Variants in HHIPL2 observed in about 807,000 individuals in gnomAD.
HHIPL2 encodes the protein HHIP like 2.
A neutral mutation model predicts 61.0 loss-of-function variants in HHIPL2; 61 were observed. That is an observed-to-expected ratio of 1.00 (90% CI 0.81 to 1.24). HHIPL2 has a LOEUF of 1.24. Among genes scored for constraint, HHIPL2 ranks in the 50% most tolerant of loss-of-function variants. HHIPL2 has a pLI of 0.00. For missense variants in HHIPL2, 885 were observed against 910.2 expected, an observed-to-expected ratio of 0.97 and a Z score of 0.36; for synonymous variants, 343 against 357.4, an observed-to-expected ratio of 0.96 and a Z score of 0.45.
Position 222,542,152 on chromosome 1 carries a change from G to A in HHIPL2, c.978C>T (p.Val326=), listed in dbSNP as rs1009607821. The A allele has an allele frequency of 1.2e-6, 2 of 1,612,082 alleles. No individual in the cohort carries two copies. Among genetic ancestry groups the A allele is most frequent in the Middle Eastern group, 3.3e-4 (2 of 6,058 alleles). The change falls in exon 3 of 9, where the codon GTC becomes GTT. Residue 326 remains valine, a synonymous_variant. Coordinates refer to ENST00000343410, the MANE Select transcript of HHIPL2 (RefSeq NM_024746.4). ...PNKADLKSER[V]ILEIEEPASN... ...AGGCTGGTTCTTCAATCTCCAAGATGACCCTGGAAGAGAAAAAAGAAACCA... is the reference window on the plus strand; with the variant it reads ...AGGCTGGTTCTTCAATCTCCAAGATAACCCTGGAAGAGAAAAAAGAAACCA...
intron 1 of HHIPL2, among the ~76,000 whole-genome samples, chr1:222,547,442 G>T (rs1306506632): frequency 2.0e-5 from 3 of 152,158 alleles, no homozygotes; most frequent in Non-Finnish European, 2.9e-5. Context: ...GCAAATAATG[G>T]CTGCTCTGAG....
intron 1 of HHIPL2, among the ~76,000 whole-genome samples, chr1:222,546,134 G>A (rs911915222): frequency 3.3e-5 from 5 of 152,200 alleles, no homozygotes; most frequent in Admixed American, 6.5e-5. Flanking sequence ...TCTCTACATT[G>A]ATTGGGATGC....
At chr1:222,532,910 T>A (rs1458317744) in intron 5 of HHIPL2, among the ~76,000 whole-genome samples, 1 of 152,206 alleles carries the variant, frequency 6.6e-6, no homozygotes, top group Non-Finnish European at 1.5e-5. Flanking sequence ...GAAAGATGCT[T>A]CCTATCCCTC....
intron 3 of HHIPL2, among the ~76,000 whole-genome samples, chr1:222,540,758 G>A (rs554534080): frequency 2.2e-4 from 34 of 152,358 alleles, no homozygotes; most frequent in African/African-American, 7.7e-4. Flanking sequence ...TAAAAGAACA[G>A]AATAGAAGCT....
intron 6 of HHIPL2, among the ~76,000 whole-genome samples, chr1:222,530,931 G>C (rs1056346237): frequency 6.6e-6 from 1 of 152,056 alleles, no homozygotes; most frequent in African/African-American, 2.4e-5. Context: ...TAAAAAAAGA[G>C]AAATATTTAA....
intron 2 of HHIPL2, among the ~76,000 whole-genome samples, chr1:222,542,528 CTTTTT>C (rs772394115): frequency 1.0e-5 from 1 of 97,174 alleles, no homozygotes; most frequent in Non-Finnish European, 1.9e-5. Flanking sequence ...CCACATCTGG[CTTTTT>C]TTTTTTTTTT....
At chr1:222,546,256 G>C (rs1195329775) in intron 1 of HHIPL2, among the ~76,000 whole-genome samples, 1 of 152,128 alleles carries the variant, frequency 6.6e-6, no homozygotes, top group Non-Finnish European at 1.5e-5. Flanking sequence ...CTTTAGCACG[G>C]TGTGATCAAA....
At chr1:222,538,562 G>A (rs1244433884) in intron 5 of HHIPL2, 86 bp downstream of exon 5, 18 of 1,240,082 alleles carry the variant, frequency 1.5e-5, no homozygotes, top group African/African-American at 7.6e-5. Context: ...GTGCTCTTAC[G>A]TGATTATATT....
chr1:222,544,104 T>A lies in HHIPL2; in HGVS notation c.407A>T (p.Tyr136Phe). 3 of 1,614,030 alleles carry A rather than the reference T, an allele frequency of 1.9e-6. No homozygotes were observed. Among genetic ancestry groups the A allele is most frequent in the Non-Finnish European group, 2.5e-6 (3 of 1,180,006 alleles). The part of the protein sequence containing the change: ...LRNLPGLCSD[Y>F]CSAFHSNCHS... Reference sequence around the variant, plus strand: ...ACAGTTAGAATGGAAGGCAGAGCAGTAATCAGAGCAGAGGCCCGGGAGATT... The same window carrying A: ...ACAGTTAGAATGGAAGGCAGAGCAGAAATCAGAGCAGAGGCCCGGGAGATT... The change falls in exon 2 of 9, where the codon TAC becomes TTC. Residue 136 changes from tyrosine (Y) to phenylalanine (F), a missense_variant. By Grantham distance (22) the Tyr-to-Phe change is conservative (BLOSUM62 3). Transcript: ENST00000343410.
intron 6 of HHIPL2, among the ~76,000 whole-genome samples, chr1:222,529,049 T>C (rs1357174586): frequency 6.6e-6 from 1 of 152,104 alleles, no homozygotes; most frequent in South Asian, 2.1e-4. Context: ...CTCAAACTCC[T>C]GCACTCAAGC....
intron 5 of HHIPL2, among the ~76,000 whole-genome samples, chr1:222,534,056 G>A (rs745900418): frequency 6.6e-6 from 1 of 152,128 alleles, no homozygotes; most frequent in Non-Finnish European, 1.5e-5. Flanking sequence ...AGTACCACAG[G>A]GTATAGGTAG....
At chr1:222,532,809 C>T (rs964686980) in intron 5 of HHIPL2, among the ~76,000 whole-genome samples, 7 of 151,562 alleles carry the variant, frequency 4.6e-5, no homozygotes, top group African/African-American at 7.3e-5. Context: ...AAATAATATA[C>T]ATAAAGATCT....
intron 5 of HHIPL2, among the ~76,000 whole-genome samples, chr1:222,535,961 AAC>A (rs765882071): frequency 4.0e-4 from 61 of 152,190 alleles, no homozygotes; most frequent in Non-Finnish European, 7.6e-4. Flanking sequence ...TAACAATGAA[AAC>A]ACAATATATC....
intron 6 of HHIPL2, among the ~76,000 whole-genome samples, chr1:222,527,492 C>G (rs1005121216): frequency 6.6e-6 from 1 of 152,076 alleles, no homozygotes; most frequent in Non-Finnish European, 1.5e-5. Flanking sequence ...TCCCTTCAGC[C>G]TCACTCCCAT....
At chr1:222,545,261 G>T (rs1280263794) in intron 1 of HHIPL2, among the ~76,000 whole-genome samples, 1 of 152,176 alleles carries the variant, frequency 6.6e-6, no homozygotes, top group Non-Finnish European at 1.5e-5. Flanking sequence ...GAGCCAGCCA[G>T]CCTGTGCAGA....
At chr1:222,529,400 CA>C (rs1659141679) in intron 6 of HHIPL2, among the ~76,000 whole-genome samples, 1 of 152,120 alleles carries the variant, frequency 6.6e-6, no homozygotes, top group Admixed American at 6.5e-5. Context: ...ACGAAAGGTC[CA>C]CGTGTACACA....
intron 5 of HHIPL2, among the ~76,000 whole-genome samples, chr1:222,538,325 C>T (rs947240172): frequency 2.0e-5 from 3 of 151,156 alleles, no homozygotes; most frequent in East Asian, 1.9e-4. Context: ...GCTGGAGACC[C>T]GATCCCTTTG....
At chr1:222,531,490 G>A (rs1659189399) in intron 6 of HHIPL2, among the ~76,000 whole-genome samples, 1 of 152,248 alleles carries the variant, frequency 6.6e-6, no homozygotes, top group African/African-American at 2.4e-5. Flanking sequence ...GCTCACGCCT[G>A]TAATCTCAGC....
intron 2 of HHIPL2, among the ~76,000 whole-genome samples, chr1:222,542,674 G>A (rs1487730324): frequency 6.6e-6 from 1 of 151,902 alleles, no homozygotes; most frequent in Non-Finnish European, 1.5e-5. Context: ...GGGACTACAG[G>A]CATGTGCCAC....
Sources: allele counts gnomAD v4.1 joint callset (sites outside exome capture counted in the v4.1 genomes callset), GRCh38; gene constraint gnomAD v4.1.1; transcripts MANE v1.5; gene names NCBI Gene and HGNC (gene_info 2026-07-23, HGNC 2026-07-21).